Variants in SCLY observed in about 807,000 individuals in gnomAD.
SCLY encodes the protein selenocysteine lyase.
In SCLY, 38 loss-of-function variants were observed where a neutral mutation model predicts 50.1. The ratio of observed to expected loss-of-function variants is 0.76; its 90% CI spans 0.59 to 0.99. SCLY has a LOEUF of 0.99. Ranked by LOEUF, SCLY falls within the 50% of genes least tolerant of loss-of-function variation. The probability of loss-of-function intolerance (pLI) is 0.00; values close to 1 mark genes in which losing one functional copy is unlikely to be tolerated. For synonymous variants in SCLY, 243 were observed against 249.4 expected (o/e 0.97, Z 0.24); for missense variants, 600 against 620.0 (o/e 0.97, Z 0.34).
chr2:238,098,727 C>CA lies in SCLY; in HGVS notation c.*373dup, dbSNP rs149022916. ...TCCACCCTCCCCACTGGGAACTGGG[C>CA]ACGCCTGTTGTGAGTGCCCTTTCCT... On this transcript the variant is annotated 3_prime_UTR_variant, in exon 12 of 12. Coordinates refer to ENST00000254663, the MANE Select transcript of SCLY (RefSeq NM_016510.7). 2,233 of 290,478 alleles carry CA rather than the reference C, an allele frequency of 7.7e-3. 55 individuals carry two copies. The highest frequency in any genetic ancestry group is 0.05 in the African/African-American group (2,050 of 40,642). The allele number at this position is 290,478 out of a possible 1,614,324, so 18.0% of individuals were successfully genotyped here.
chr2:238,064,195 A>C (rs1166987753), intron 1 of SCLY, among the ~76,000 whole-genome samples, 162 bp from the exon 2 acceptor site: 1 of 147,144 alleles, frequency 6.8e-6, no homozygotes, highest in Non-Finnish European at 1.5e-5. Context: ...GTAGATCTGT[A>C]GATTCCCAAG....
intron 2 of SCLY, chr2:238,064,800 T>G (rs2065053333): frequency 6.1e-6 from 1 of 163,528 alleles, no homozygotes; most frequent in Non-Finnish European, 1.3e-5. Flanking sequence ...CAGTCAATCC[T>G]TACAGAATTT....
chr2:238,074,183 G>A (rs2065151681), intron 4 of SCLY, among the ~76,000 whole-genome samples: 1 of 151,950 alleles, frequency 6.6e-6, no homozygotes, highest in Non-Finnish European at 1.5e-5. Context: ...GCACATACCT[G>A]TAATCCCAGC....
At position 238,069,580 on chromosome 2, in the gene SCLY, A is replaced by G; in HGVS notation, c.484+103A>G. 2 of 1,077,590 alleles carry G rather than the reference A, an allele frequency of 1.9e-6. No individual in the cohort carries two copies. The highest frequency in any genetic ancestry group is 2.6e-6 in the Non-Finnish European group (2 of 764,378). 66.8% of individuals were successfully genotyped at this position (1,077,590 alleles called of 1,614,324 possible). ...CCCGGGATCCGCTGCAGAGATGTAG[A>G]TTCAGTGTGCCACTCACTGTAACTC... On this transcript the variant is annotated intron_variant, in intron 4 of 11. Coordinates refer to ENST00000254663, the MANE Select transcript of SCLY (RefSeq NM_016510.7). The surrounding 1 kb of genome is among the most constrained non-coding windows in gnomAD (Gnocchi z 5.0).
chr2:238,068,535 T>A (rs536860963), intron 3 of SCLY, among the ~76,000 whole-genome samples: 1 of 152,184 alleles, frequency 6.6e-6, no homozygotes, highest in Admixed American at 6.5e-5. Flanking sequence ...GGCAAGAGAG[T>A]GAGACCCTGT....
chr2:238,069,415 C>T lies in SCLY; in HGVS notation c.422C>T (p.Ser141Phe), dbSNP rs1199289397. 6.2e-7 allele frequency: 1 copy of T among 1,614,012 alleles called. No homozygotes were observed. The highest frequency in any genetic ancestry group is 8.5e-7 in the Non-Finnish European group (1 of 1,179,944). ...GGGGCCAAGCCCCATTTCATTACTT[C>T]CTCGGTGGAACACGACTCCATCCGG... The part of the protein sequence containing the change: ...VKGAKPHFIT[S>F]SVEHDSIRLP... Residue 141 changes from serine (S) to phenylalanine (F), a missense_variant, in exon 4 of 12, where the codon TCC (serine) becomes TTC (phenylalanine). Ser to Phe is a radical substitution (Grantham distance 155). Transcript: ENST00000254663. This position sits in a 1 kb window ranked among gnomAD's most constrained non-coding sequence, Gnocchi z 5.0.
intron 1 of SCLY, among the ~76,000 whole-genome samples, chr2:238,063,241 G>GT (rs1361512556): frequency 2.7e-4 from 39 of 145,748 alleles, no homozygotes; most frequent in Admixed American, 2.9e-4. Context: ...TTGTGGGTTT[G>GT]TTTTTTTTGT....
Position 238,098,623 on chromosome 2 carries a change from C to CCGCCCACATGGGAACGCCCACATGGGAA in SCLY, c.*281_*282insACGCCCACATGGGAACGCCCACATGGGA, listed in dbSNP as rs1559254711. On this transcript the variant is annotated 3_prime_UTR_variant, in exon 12 of 12. Transcript: ENST00000254663. ...CCCACATAGGACCGCCCACATGGGA[C>CCGCCCACATGGGAACGCCCACATGGGAA]CGCCCACATGGGACCGCCCACATGG... 2.9e-5 allele frequency: 7 copies of CCGCCCACATGGGAACGCCCACATGGGAA among 239,184 alleles called. No individual in the cohort carries two copies. Among genetic ancestry groups the CCGCCCACATGGGAACGCCCACATGGGAA allele is most frequent in the Middle Eastern group, 9.7e-4 (1 of 1,028 alleles). 14.8% of individuals were successfully genotyped at this position (239,184 alleles called of 1,614,324 possible).
intron 10 of SCLY, among the ~76,000 whole-genome samples, chr2:238,095,033 T>C (rs946869491): frequency 3.9e-5 from 6 of 151,996 alleles, no homozygotes; most frequent in Non-Finnish European, 8.8e-5. Context: ...AAACCCCATC[T>C]CTACCAAAAA....
intron 4 of SCLY, among the ~76,000 whole-genome samples, chr2:238,076,589 G>A (rs1408783692): frequency 2.0e-5 from 3 of 151,110 alleles, no homozygotes; most frequent in Non-Finnish European, 4.4e-5. Context: ...AGGCCGCAGG[G>A]TCCTCTGCCT....
intron 8 of SCLY, chr2:238,091,549 C>CCTA: frequency 4.7e-5 from 16 of 339,046 alleles, no homozygotes; most frequent in South Asian, 1.6e-4. Context: ...TGCAGGTTCA[C>CCTA]CATTCCCAAA....
Position 238,098,584 on chromosome 2 carries a change from C to CCCACATGGGAACGCCCACATAGAACCGT in SCLY, c.*235_*236insGGGAACGCCCACATAGAACCGTCCACAT, listed in dbSNP as rs1559254402. The stretch of plus-strand genomic sequence containing the variant: ...GCATAGGACTGCCCACATGGGACCG[C>CCCACATGGGAACGCCCACATAGAACCGT]CCACATAGGACCGCCCACATAGGAC... On this transcript the variant is annotated 3_prime_UTR_variant, in exon 12 of 12. Transcript: ENST00000254663. 2 of 399,502 alleles carry CCCACATGGGAACGCCCACATAGAACCGT rather than the reference C, an allele frequency of 5.0e-6. No individual in the cohort carries two copies. Among genetic ancestry groups the CCCACATGGGAACGCCCACATAGAACCGT allele is most frequent in the African/African-American group, 4.5e-5 (2 of 44,864 alleles). The allele number at this position is 399,502 out of a possible 1,614,324, so 24.7% of individuals were successfully genotyped here.
intron 4 of SCLY, chr2:238,080,260 C>T (rs1389143389): frequency 6.6e-6 from 1 of 152,112 alleles, no homozygotes; most frequent in Non-Finnish European, 1.5e-5. Flanking sequence ...CCTGCTTTTC[C>T]ACACACTGAA....
At chr2:238,098,167 C>T (rs2065459786) in intron 11 of SCLY, 35 bp from the exon 12 acceptor site, 4 of 1,600,340 alleles carry the variant, frequency 2.5e-6, no homozygotes, top group Non-Finnish European at 2.6e-6. Context: ...CATGTGCCCT[C>T]AGCAGCAGCT....
intron 4 of SCLY, among the ~76,000 whole-genome samples, chr2:238,074,665 T>G (rs1444350703): frequency 1.3e-5 from 2 of 152,124 alleles, no homozygotes; most frequent in East Asian, 3.9e-4. Flanking sequence ...GTATTTTTAG[T>G]AGAGATGGGG....
At position 238,069,744 on chromosome 2, in the gene SCLY, A is replaced by C. The variant is rs1482884849; in HGVS notation, c.484+267A>C. On this transcript the variant is annotated intron_variant, in intron 4 of 11. Coordinates refer to ENST00000254663, the MANE Select transcript of SCLY (RefSeq NM_016510.7). This position sits in a 1 kb window ranked among gnomAD's most constrained non-coding sequence, Gnocchi z 5.0. The stretch of plus-strand genomic sequence containing the variant: ...GGCAAGTGTGGCCAAACTTTCCCTT[A>C]GGAAGTTCATTGAGAATGAATATGT... 1 of 389,020 alleles carries C rather than the reference A, an allele frequency of 2.6e-6. No homozygotes were observed. The highest frequency in any genetic ancestry group is 2.1e-5 in the African/African-American group (1 of 48,422). 24.1% of individuals were successfully genotyped at this position (389,020 alleles called of 1,614,324 possible).
Position 238,098,225 on chromosome 2 carries a change from A to G in SCLY, c.1208A>G (p.Tyr403Cys), listed in dbSNP as rs369357276. ...GDQPSPVLLSYGVPFDVARNA... is the reference protein window; with the variant it reads ...GDQPSPVLLSCGVPFDVARNA... ...AGGCCGTCCCCAGTGCTGCTGAGCT[A>G]CGGTGTCCCCTTCGACGTGGCCAGG... is the stretch of plus-strand genomic sequence containing the variant. The change falls in exon 12 of 12, where the codon TAC becomes TGC. Residue 403 changes from tyrosine (Y) to cysteine (C), a missense_variant. Transcript: ENST00000254663. The G allele has an allele frequency of 3.2e-5, 52 of 1,611,006 alleles. No individual in the cohort carries two copies. The highest frequency in any genetic ancestry group is 1.3e-4 in the South Asian group (12 of 91,042).
At chr2:238,091,550 C>CGA in intron 8 of SCLY, 1 of 408,674 alleles carries the variant, frequency 2.4e-6, no homozygotes, top group Non-Finnish European at 4.6e-6. Flanking sequence ...GCAGGTTCAC[C>CGA]ATTCCCAAAG....
chr2:238,081,696 G>A lies in SCLY; in HGVS notation c.485-13G>A. The A allele has an allele frequency of 6.2e-7, 1 of 1,611,746 alleles. No individual in the cohort carries two copies. The highest frequency in any genetic ancestry group is 8.5e-7 in the Non-Finnish European group (1 of 1,178,014). ...TTGTGCAGCTCAGTTCGGTACTCAT[G>A]TTTGTTTCCCAGCGGTCACCTTTGT... On this transcript the variant is annotated splice_polypyrimidine_tract_variant and intron_variant, in intron 4 of 11. Transcript: ENST00000254663.
Sources: allele counts gnomAD v4.1 joint callset (sites outside exome capture counted in the v4.1 genomes callset), GRCh38; gene constraint gnomAD v4.1.1; non-coding constraint Gnocchi (gnomAD v3.1); transcripts MANE v1.5; gene names NCBI Gene and HGNC (gene_info 2026-07-23, HGNC 2026-07-21).